PRKCA: variants seen among roughly 807,000 people sequenced by gnomAD.
The protein encoded by PRKCA is protein kinase C alpha type.
In PRKCA, 27 loss-of-function variants were observed where a neutral mutation model predicts 87.0. That is an observed-to-expected ratio of 0.31 (90% CI 0.23 to 0.43). PRKCA has a LOEUF of 0.43. Ranked by LOEUF, PRKCA falls within the 20% of genes least tolerant of loss-of-function variation. The pLI is 1.00. For synonymous variants in PRKCA, 329 were observed against 311.1 expected (o/e 1.06, Z -0.61); for missense variants, 518 against 852.3 (o/e 0.61, Z 4.88).
At chr17:66,684,098 A>G (rs533678948) in intron 5 of PRKCA, among the ~76,000 whole-genome samples, 6 of 152,152 alleles carry the variant, frequency 3.9e-5, no homozygotes, top group Non-Finnish European at 8.8e-5. Context: ...CTGTTAGAAC[A>G]TTACCACACT....
intron 3 of PRKCA, among the ~76,000 whole-genome samples, chr17:66,500,116 C>G (rs926667985): frequency 1.1e-4 from 16 of 152,290 alleles, no homozygotes; most frequent in Admixed American, 7.8e-4. Flanking sequence ...TTTAGCCCTT[C>G]TGTCATGTGA....
chr17:66,696,117 G>A (rs1972914753), intron 8 of PRKCA, among the ~76,000 whole-genome samples: 1 of 152,232 alleles, frequency 6.6e-6, no homozygotes, highest in Non-Finnish European at 1.5e-5. Flanking sequence ...AACACCCGCT[G>A]TGTGATGATT....
chr17:66,496,261 C>T lies in PRKCA; in HGVS notation c.266C>T (p.Ala89Val), dbSNP rs915754719. The T allele has an allele frequency of 1.9e-6, 3 of 1,613,738 alleles. No homozygotes were observed. Among genetic ancestry groups the T allele is most frequent in the Non-Finnish European group, 2.5e-6 (3 of 1,179,756 alleles). ...HEFVTFSCPG[A>V]DKGPDTDDPR... ...TTTGTTACTTTTTCTTGTCCGGGTGCGGATAAGGGACCCGACACTGATGTA... is the reference window on the plus strand; with the variant it reads ...TTTGTTACTTTTTCTTGTCCGGGTGTGGATAAGGGACCCGACACTGATGTA... The change falls in exon 3 of 17, where the codon GCG (alanine) becomes GTG (valine). Residue 89 changes from alanine to valine, a missense_variant. This residue lies in a region of PRKCA where 300 missense variants were observed against 496.8 expected (regional missense o/e 0.60). Transcript: ENST00000413366.
chr17:66,374,719 CTTTTTTTTTTT>C lies in PRKCA; in HGVS notation c.205+68602_205+68612del, dbSNP rs35431248. Among the ~76,000 whole-genome samples, 296 of 115,816 alleles carry C rather than the reference CTTTTTTTTTTT, an allele frequency of 2.6e-3. 1 individual carries two copies. Among genetic ancestry groups the C allele is most frequent in the Non-Finnish European group, 4.1e-3 (241 of 59,380 alleles). 76.0% of individuals were successfully genotyped at this position (115,816 alleles called of 152,430 possible). On this transcript the variant is annotated intron_variant, in intron 2 of 16. Transcript: ENST00000413366. ...TAAGTGCAGGGTGCTGAGTTGCATT[CTTTTTTTTTTT>C]TTTTTTTTTCTTTCTGAGACACGGT... is the stretch of plus-strand genomic sequence containing the variant.
At chr17:66,782,021 C>A (rs1044789764) in intron 14 of PRKCA, among the ~76,000 whole-genome samples, 1 of 151,840 alleles carries the variant, frequency 6.6e-6, no homozygotes, top group Non-Finnish European at 1.5e-5. Context: ...TCAAGCAATT[C>A]TCCTGCTTCA....
At chr17:66,430,049 T>C (rs974070516) in intron 2 of PRKCA, among the ~76,000 whole-genome samples, 2 of 152,132 alleles carry the variant, frequency 1.3e-5, no homozygotes, top group Non-Finnish European at 2.9e-5. Flanking sequence ...AAATTATAGA[T>C]GTACTTATCT....
At chr17:66,467,988 T>G (rs1915161484) in intron 2 of PRKCA, among the ~76,000 whole-genome samples, 1 of 152,242 alleles carries the variant, frequency 6.6e-6, no homozygotes, top group Non-Finnish European at 1.5e-5. Context: ...TTCCTCGTGT[T>G]TGACAGAAAT....
chr17:66,390,272 A>G (rs772294350), intron 2 of PRKCA, among the ~76,000 whole-genome samples: 3 of 152,132 alleles, frequency 2.0e-5, no homozygotes, highest in Non-Finnish European at 2.9e-5. Flanking sequence ...CAATTTATAT[A>G]TATGTTTTCC....
intron 3 of PRKCA, among the ~76,000 whole-genome samples, chr17:66,582,170 T>C (rs987815725): frequency 6.6e-6 from 1 of 152,166 alleles, no homozygotes. Flanking sequence ...TAGTAATTGC[T>C]GTTTCTCCTC....
chr17:66,759,776 G>A (rs1974640023), intron 13 of PRKCA, among the ~76,000 whole-genome samples: 1 of 152,206 alleles, frequency 6.6e-6, no homozygotes, highest in African/African-American at 2.4e-5. Context: ...AAGAAATTAG[G>A]AGTCACTATA....
intron 3 of PRKCA, among the ~76,000 whole-genome samples, chr17:66,561,040 G>T (rs1330572864): frequency 1.3e-5 from 2 of 152,202 alleles, no homozygotes; most frequent in African/African-American, 4.8e-5. Flanking sequence ...GGGATCTGAA[G>T]TACTAGCGAG....
chr17:66,685,961 G>T (rs8070556), intron 5 of PRKCA, among the ~76,000 whole-genome samples: 10,380 of 152,208 alleles, frequency 0.068, 388 homozygotes, highest in South Asian at 0.14. Flanking sequence ...TGCCAGTGCC[G>T]CCGGTCCAGG....
At chr17:66,455,189 C>T (rs1193819669) in intron 2 of PRKCA, among the ~76,000 whole-genome samples, 1 of 152,230 alleles carries the variant, frequency 6.6e-6, no homozygotes, top group African/African-American at 2.4e-5. Context: ...TCCCCACGAA[C>T]TGACTTTCAT....
intron 2 of PRKCA, among the ~76,000 whole-genome samples, chr17:66,333,205 C>T (rs1251377920): frequency 1.3e-5 from 2 of 152,172 alleles, no homozygotes; most frequent in African/African-American, 2.4e-5. Context: ...ATGACATCTA[C>T]ATTACAAATA....
At position 66,592,343 on chromosome 17, in the gene PRKCA, C is replaced by CAAAAAAAAAAAAAAAAAAA. The variant is rs71160581; in HGVS notation, c.289-48994_289-48993insAAAAAAAAAAAAAAAAAAA. Among the ~76,000 whole-genome samples the CAAAAAAAAAAAAAAAAAAA allele has an allele frequency of 3.2e-4, 26 of 82,352 alleles. 2 individuals carry two copies. The highest frequency in any genetic ancestry group is 1.3e-3 in the African/African-American group (22 of 17,146). 54.0% of individuals were successfully genotyped at this position (82,352 alleles called of 152,430 possible). ...GCACTCCAGTCTGGGTGATCCGTCT[C>CAAAAAAAAAAAAAAAAAAA]AAAAAAAAAAAAAAAAAAGTTACCA... On this transcript the variant is annotated intron_variant, in intron 3 of 16. Transcript: ENST00000413366.
intron 3 of PRKCA, among the ~76,000 whole-genome samples, chr17:66,593,055 G>A (rs940896066): frequency 2.6e-5 from 4 of 152,204 alleles, no homozygotes; most frequent in Admixed American, 2.0e-4. Flanking sequence ...CTACCAAAGT[G>A]CTGGGATTAT....
At chr17:66,668,845 G>A (rs1202237995) in intron 5 of PRKCA, among the ~76,000 whole-genome samples, 2 of 152,194 alleles carry the variant, frequency 1.3e-5, no homozygotes, top group African/African-American at 2.4e-5. Context: ...GCTTACACCT[G>A]TAATCCCAGC....
chr17:66,752,141 G>A (rs1026478516), intron 13 of PRKCA, among the ~76,000 whole-genome samples: 2 of 152,176 alleles, frequency 1.3e-5, no homozygotes, highest in Admixed American at 6.5e-5. Context: ...TATAATCACA[G>A]CATCTTCCTG....
intron 8 of PRKCA, among the ~76,000 whole-genome samples, chr17:66,704,906 T>C (rs1006004948): frequency 6.6e-6 from 1 of 152,250 alleles, no homozygotes; most frequent in African/African-American, 2.4e-5. Flanking sequence ...CTCCACTGTC[T>C]TTGAAGACTT....
Sources: allele counts gnomAD v4.1 joint callset (sites outside exome capture counted in the v4.1 genomes callset), GRCh38; gene constraint gnomAD v4.1.1; regional missense constraint gnomAD v4.1.1; transcripts MANE v1.5; gene names NCBI Gene and HGNC (gene_info 2026-07-23, HGNC 2026-07-21).